The following CYP4X1 variants were observed in gnomAD, a reference collection of about 807,000 sequenced individuals.
CYP4X1 encodes cytochrome P450 4X1.
CYP4X1 carries 44 observed loss-of-function variants against 57.9 expected under a neutral mutation model. The observed-to-expected ratio is 0.76, with a 90% CI of 0.60 to 0.98. CYP4X1 has a LOEUF of 0.98. CYP4X1 is among the 50% of genes least tolerant of loss of function. The pLI is 0.00. For synonymous variants in CYP4X1, 227 were observed against 228.6 expected (o/e 0.99, Z 0.06); for missense variants, 532 against 623.9 (o/e 0.85, Z 1.57).
the CYP4X1 span, among the ~76,000 whole-genome samples, chr1:47,016,285 G>A: frequency 6.6e-6 from 1 of 151,492 alleles, no homozygotes. Context: ...AGGAAGATAA[G>A]CTGAACATGC....
intron 1 of CYP4X1, among the ~76,000 whole-genome samples, chr1:47,029,704 C>T (rs985451567): frequency 6.6e-5 from 10 of 152,268 alleles, no homozygotes; most frequent in South Asian, 2.1e-4. Context: ...GAGTGTGACT[C>T]GGCTCACCCT....
At chr1:46,998,678 G>A in the CYP4X1 span, among the ~76,000 whole-genome samples, 4 of 152,118 alleles carry the variant, frequency 2.6e-5, no homozygotes, top group African/African-American at 4.8e-5. Context: ...TATTTCCTAA[G>A]TTTTCTTCTA....
At chr1:46,969,848 A>G in the CYP4X1 span, among the ~76,000 whole-genome samples, 2 of 152,242 alleles carry the variant, frequency 1.3e-5, no homozygotes, top group Non-Finnish European at 2.9e-5. Flanking sequence ...TGGTACAGAG[A>G]TTCTACTGGG....
chr1:46,968,048 T>TC, the CYP4X1 span, among the ~76,000 whole-genome samples: 1 of 152,114 alleles, frequency 6.6e-6, no homozygotes, highest in Non-Finnish European at 1.5e-5. Context: ...TCTCAGGTTT[T>TC]CCCCATGTAG....
chr1:47,006,142 T>A, the CYP4X1 span, among the ~76,000 whole-genome samples: 1 of 152,238 alleles, frequency 6.6e-6, no homozygotes, highest in African/African-American at 2.4e-5. Flanking sequence ...TTACATAAAC[T>A]TTTTGTGTAA....
At chr1:47,014,315 A>G in the CYP4X1 span, among the ~76,000 whole-genome samples, 129 of 152,258 alleles carry the variant, frequency 8.5e-4, no homozygotes, top group African/African-American at 3.1e-3. Flanking sequence ...TCCTACCTTC[A>G]AGGCCAGTGA....
chr1:47,047,500 C>T (rs1172161078), intron 9 of CYP4X1, among the ~76,000 whole-genome samples: 2 of 152,144 alleles, frequency 1.3e-5, no homozygotes, highest in Non-Finnish European at 2.9e-5. Flanking sequence ...CTCCCCAAAC[C>T]ACATGGATAT....
chr1:47,022,281 G>GCCTTTTTTT (rs1185250751), upstream of CYP4X1, among the ~76,000 whole-genome samples: 1 of 128,436 alleles, frequency 7.8e-6, no homozygotes. Context: ...CCTGGGGCCT[G>GCCTTTTTTT]TCTTTTTTTT....
chr1:46,967,806 G>C, the CYP4X1 span: 27 of 1,363,248 alleles, frequency 2.0e-5, no homozygotes, highest in African/African-American at 3.6e-4. Flanking sequence ...GCTCAAAGCG[G>C]AGCAGGGTCA....
At chr1:47,001,612 A>G in the CYP4X1 span, among the ~76,000 whole-genome samples, 58 of 152,276 alleles carry the variant, frequency 3.8e-4, 1 homozygote, top group Admixed American at 3.7e-3. Context: ...CCAGGGTCTA[A>G]GCTCCTGCCT....
the CYP4X1 span, among the ~76,000 whole-genome samples, chr1:47,011,140 C>T: frequency 6.6e-6 from 1 of 152,190 alleles, no homozygotes. Flanking sequence ...AGGCATAATG[C>T]TATCTGACTT....
At chr1:46,969,074 TG>T in the CYP4X1 span, among the ~76,000 whole-genome samples, 1 of 152,124 alleles carries the variant, frequency 6.6e-6, no homozygotes, top group African/African-American at 2.4e-5. Flanking sequence ...GATTGGATCA[TG>T]GGGGCAGATC....
At chr1:47,014,059 G>A in the CYP4X1 span, among the ~76,000 whole-genome samples, 1 of 152,106 alleles carries the variant, frequency 6.6e-6, no homozygotes, top group African/African-American at 2.4e-5. Context: ...ACAGGTGTGA[G>A]CCACCCCACC....
chr1:46,984,901 G>A, the CYP4X1 span, among the ~76,000 whole-genome samples: 4 of 152,216 alleles, frequency 2.6e-5, no homozygotes, highest in African/African-American at 4.8e-5. Flanking sequence ...AGAGAGCCAA[G>A]TGGTCTAGGT....
the CYP4X1 span, among the ~76,000 whole-genome samples, chr1:47,012,508 G>A: frequency 0.03 from 4,527 of 152,010 alleles, 97 homozygotes; most frequent in Non-Finnish European, 0.043. Context: ...GTATACGTAC[G>A]TAACAAACCT....
the CYP4X1 span, among the ~76,000 whole-genome samples, chr1:47,011,539 A>C: frequency 2.9e-3 from 447 of 152,360 alleles, 2 homozygotes; most frequent in Non-Finnish European, 4.0e-3. Context: ...AATGGCAACA[A>C]AAGCCAAAAT....
At chr1:47,031,376 G>C (rs1031714894) in intron 2 of CYP4X1, 60 bp from the exon 3 acceptor site, 2 of 1,590,008 alleles carry the variant, frequency 1.3e-6, no homozygotes, top group Non-Finnish European at 1.7e-6. Flanking sequence ...TCACCAACTT[G>C]AACTGATAAT....
upstream of CYP4X1, among the ~76,000 whole-genome samples, chr1:47,021,465 C>T (rs762918868): frequency 1.3e-5 from 2 of 152,144 alleles, no homozygotes; most frequent in Non-Finnish European, 2.9e-5. Context: ...AAGAGAGTAT[C>T]TAATTATCCC....
chr1:47,011,259 C>G, the CYP4X1 span, among the ~76,000 whole-genome samples: 1 of 152,156 alleles, frequency 6.6e-6, no homozygotes, highest in Non-Finnish European at 1.5e-5. Context: ...TACCACACAT[C>G]TACATCCATC....
Sources: gnomAD v4.1 joint callset for allele counts (sites outside exome capture counted in the v4.1 genomes callset) on GRCh38, gnomAD v4.1.1 for gene constraint, MANE v1.5 for transcripts, NCBI Gene and HGNC (gene_info 2026-07-23, HGNC 2026-07-21) for gene names.